The following GRAMD4 variants were observed in gnomAD, a reference collection of about 807,000 sequenced individuals.
GRAMD4 encodes GRAM domain containing 4, also known as GRAM domain-containing protein 4.
In GRAMD4, 25 loss-of-function variants were observed where a neutral mutation model predicts 83.9. That is an observed-to-expected ratio of 0.30 (90% CI 0.22 to 0.42). GRAMD4 has a LOEUF of 0.42. GRAMD4 is among the 10% of genes least tolerant of loss of function. The pLI is 1.00. For synonymous variants in GRAMD4, 336 were observed against 320.9 expected, an observed-to-expected ratio of 1.05 and a Z score of -0.50; for missense variants, 593 against 788.7, an observed-to-expected ratio of 0.75 and a Z score of 2.97.
intron 1 of GRAMD4, among the ~76,000 whole-genome samples, chr22:46,594,243 C>T (rs2081238333): frequency 6.6e-6 from 1 of 151,852 alleles, no homozygotes; most frequent in Non-Finnish European, 1.5e-5. Flanking sequence ...GCACACCTTT[C>T]TCTGCCTGGG....
chr22:46,663,056 G>T lies in GRAMD4; in HGVS notation c.483G>T (p.Gly161=), dbSNP rs2082352866. 1 of 1,610,646 alleles carries T rather than the reference G, an allele frequency of 6.2e-7. No homozygotes were observed. The highest frequency in any genetic ancestry group is 8.5e-7 in the Non-Finnish European group (1 of 1,178,610). The part of the protein sequence containing the change: ...ASNGAERRSQ[G]LSSRLQKWFY... ...CCCCTGCAGAGCGCCGGAGCCAGGG[G>T]CTGTCCTCGCGCCTGCAGAAGTGGT... The change falls in exon 6 of 19, where the codon GGG becomes GGT. Residue 161 remains glycine, a synonymous_variant. Transcript: ENST00000406902.
intron 1 of GRAMD4, among the ~76,000 whole-genome samples, chr22:46,592,037 C>A (rs1169366708): frequency 2.0e-5 from 3 of 152,038 alleles, no homozygotes; most frequent in African/African-American, 7.3e-5. Flanking sequence ...AGTCCCCACA[C>A]TTGTCAAGGG....
chr22:46,682,245 G>T (rs2082674452), downstream of GRAMD4, among the ~76,000 whole-genome samples: 1 of 152,226 alleles, frequency 6.6e-6, no homozygotes, highest in South Asian at 2.1e-4. Context: ...CCTCAGACAG[G>T]AGCTGGCCCA....
At chr22:46,661,561 C>G (rs554555893) in intron 5 of GRAMD4, 119 bp downstream of exon 5, 2 of 730,636 alleles carry the variant, frequency 2.7e-6, no homozygotes, top group East Asian at 5.3e-5. Flanking sequence ...AGCAGGTGGG[C>G]AGGCGGCAGG....
At position 46,678,794 on chromosome 22, in the gene GRAMD4, AGGGGCC is replaced by A; in HGVS notation, c.*1545_*1550del. On this transcript the variant is annotated 3_prime_UTR_variant, in exon 19 of 19. Coordinates refer to ENST00000406902, the MANE Select transcript of GRAMD4 (RefSeq NM_015124.5). ...ATGGGCTGGTTTCACCCCCTTCACG[AGGGGCC>A]GCAGAGTCACACGCTGGTGCCGGGG... is the stretch of plus-strand genomic sequence containing the variant. 1 of 986,038 alleles carries A rather than the reference AGGGGCC, an allele frequency of 1.0e-6. No homozygotes were observed. Among genetic ancestry groups the A allele is most frequent in the Non-Finnish European group, 1.2e-6 (1 of 830,014 alleles). The allele number at this position is 986,038 out of a possible 1,614,324, so 61.1% of individuals were successfully genotyped here.
intron 1 of GRAMD4, among the ~76,000 whole-genome samples, chr22:46,588,672 C>T (rs1433288557): frequency 6.6e-6 from 1 of 152,188 alleles, no homozygotes; most frequent in Non-Finnish European, 1.5e-5. Context: ...GGTGCCCACC[C>T]TTTCGTCCGT....
At chr22:46,611,918 A>G (rs1347710583) in intron 1 of GRAMD4, among the ~76,000 whole-genome samples, 1 of 135,954 alleles carries the variant, frequency 7.4e-6, no homozygotes, top group East Asian at 2.5e-4. Flanking sequence ...AATGGTGTGA[A>G]CCCGGGAAGC....
intron 3 of GRAMD4, 59 bp from the exon 4 acceptor site, chr22:46,658,128 C>T: frequency 2.5e-6 from 4 of 1,608,322 alleles, no homozygotes; most frequent in Non-Finnish European, 3.4e-6. Context: ...CCCCAGCATC[C>T]CAGAGTCGGG....
chr22:46,620,917 C>T lies in GRAMD4; in HGVS notation c.-50+352C>T, dbSNP rs1271537392. Among the ~76,000 whole-genome samples, 2 of 151,766 alleles carry T rather than the reference C, an allele frequency of 1.3e-5. No homozygotes were observed. Among genetic ancestry groups the T allele is most frequent in the African/African-American group, 4.8e-5 (2 of 41,372 alleles). ...GGCCGATCTGAGAGGGAGGGAGGCC[C>T]ATCCGAGAGGGAGGAGGCCGATCTG... On this transcript the variant is annotated intron_variant, in intron 1 of 18. Transcript: ENST00000406902. The surrounding 1 kb of genome is among the most constrained non-coding windows in gnomAD (Gnocchi z 4.7).
At chr22:46,602,018 A>T (rs1275908466) in intron 1 of GRAMD4, among the ~76,000 whole-genome samples, 4 of 151,932 alleles carry the variant, frequency 2.6e-5, no homozygotes, top group Non-Finnish European at 4.4e-5. Flanking sequence ...GTTTCCATAG[A>T]CACATGGCCA....
intron 11 of GRAMD4, 89 bp downstream of exon 11, chr22:46,668,256 C>A: frequency 1.2e-6 from 1 of 843,726 alleles, no homozygotes; most frequent in Non-Finnish European, 1.9e-6. Flanking sequence ...GGGTAGGTCT[C>A]CGCCGGCCTC....
intron 5 of GRAMD4, among the ~76,000 whole-genome samples, chr22:46,661,776 C>T (rs948453058): frequency 2.6e-5 from 4 of 152,258 alleles, no homozygotes; most frequent in African/African-American, 9.6e-5. Flanking sequence ...GATGTGAGAG[C>T]CACGCTGGTC....
intron 5 of GRAMD4, among the ~76,000 whole-genome samples, chr22:46,662,157 T>C (rs2082337271): frequency 6.6e-6 from 1 of 152,232 alleles, no homozygotes; most frequent in Non-Finnish European, 1.5e-5. Context: ...TTAAAAACTC[T>C]GCCAGGCTGC....
In GRAMD4 at chr22:46,659,508, G is replaced by A. The variant is rs2147333807; in HGVS notation, c.404+1201G>A. Reference sequence around the variant, plus strand: ...GGCATCTCTGGGACACCCCAGCTGAGCACTGCCTGCTATGAGCGCTCCGGG... The same window carrying A: ...GGCATCTCTGGGACACCCCAGCTGAACACTGCCTGCTATGAGCGCTCCGGG... On this transcript the variant is annotated intron_variant, in intron 4 of 18. Transcript: ENST00000406902. The surrounding 1 kb of genome is among the most constrained non-coding windows in gnomAD (Gnocchi z 4.1). Among the ~76,000 whole-genome samples, 1 of 152,370 alleles carries A rather than the reference G, an allele frequency of 6.6e-6. No homozygotes were observed. The highest frequency in any genetic ancestry group is 1.9e-4 in the East Asian group (1 of 5,186).
At chr22:46,643,135 GCATCCTTC>G (rs1474937710) in intron 3 of GRAMD4, among the ~76,000 whole-genome samples, 29 of 7,990 alleles carry the variant, frequency 3.6e-3, no homozygotes, top group Admixed American at 4.8e-3. Flanking sequence ...ATCCATCCAT[GCATCCTTC>G]CATCCATCCA....
intron 2 of GRAMD4, among the ~76,000 whole-genome samples, 153 bp from the exon 3 acceptor site, chr22:46,637,687 C>T (rs889779724): frequency 6.6e-6 from 1 of 152,158 alleles, no homozygotes; most frequent in Non-Finnish European, 1.5e-5. Context: ...CTGACTGCTG[C>T]GTCGTCCCCA....
rs530591674 is a variant in GRAMD4, at chr22:46,638,072, C to G, written c.283+112C>G. 2.2e-5 allele frequency: 25 copies of G among 1,158,402 alleles called. No individual in the cohort carries two copies. In the South Asian group the frequency reaches 3.1e-4, roughly 14 times the overall value. 71.8% of individuals were successfully genotyped at this position (1,158,402 alleles called of 1,614,324 possible). A position where few individuals can be genotyped will look rare whatever the true frequency, so the allele number is the denominator to read the frequency against. The stretch of plus-strand genomic sequence containing the variant: ...GGTCTGGTGAAGACCCACGCAGGCT[C>G]CATCGCTGGACACGAGCCCTGGGCA... On this transcript the variant is annotated intron_variant, in intron 3 of 18. Coordinates refer to ENST00000406902, the MANE Select transcript of GRAMD4 (RefSeq NM_015124.5).
Position 46,672,891 on chromosome 22 carries a change from G to A in GRAMD4, c.1133G>A (p.Arg378His), listed in dbSNP as rs371794625. The change falls in exon 14 of 19, where the codon CGC (arginine) becomes CAC (histidine). Residue 378 changes from arginine (R) to histidine (H), a missense_variant. Around this residue, in one of 4 missense-constraint regions of GRAMD4, gnomAD observed 171 missense variants for 199.6 expected, o/e 0.86. Coordinates refer to ENST00000406902, the MANE Select transcript of GRAMD4 (RefSeq NM_015124.5). The surrounding 1 kb of genome is among the most constrained non-coding windows in gnomAD (Gnocchi z 4.7). ...TTCCTCATTGATTTCATCTTTAAAC[G>A]CTGCCCGAGGCTGCGCGCCAAGTAC... Reference protein sequence around the residue: ...KFFLIDFIFKRCPRLRAKYDT... With the variant: ...KFFLIDFIFKHCPRLRAKYDT... The A allele has an allele frequency of 3.9e-5, 63 of 1,612,296 alleles. No homozygotes were observed. The highest frequency in any genetic ancestry group is 6.7e-5 in the East Asian group (3 of 44,870).
In GRAMD4 at chr22:46,659,660, T is replaced by G. The variant is rs1282264420; in HGVS notation, c.404+1353T>G. ...GATCCGCTGGGCTGACTCCCACTTC[T>G]TCCTTGCCCGCCTCCTGCAGGTCAG... On this transcript the variant is annotated intron_variant, in intron 4 of 18. Coordinates refer to ENST00000406902, the MANE Select transcript of GRAMD4 (RefSeq NM_015124.5). The surrounding 1 kb of genome is among the most constrained non-coding windows in gnomAD (Gnocchi z 4.1). Among the ~76,000 whole-genome samples, 2 of 152,114 alleles carry G rather than the reference T, an allele frequency of 1.3e-5. No individual in the cohort carries two copies. Among genetic ancestry groups the G allele is most frequent in the African/African-American group, 4.8e-5 (2 of 41,424 alleles).
Sources: allele counts gnomAD v4.1 joint callset (sites outside exome capture counted in the v4.1 genomes callset), GRCh38; gene constraint gnomAD v4.1.1; regional missense constraint gnomAD v4.1.1; non-coding constraint Gnocchi (gnomAD v3.1); transcripts MANE v1.5; gene names NCBI Gene and HGNC (gene_info 2026-07-23, HGNC 2026-07-21).